The following SLC14A2 variants were observed in gnomAD, a reference collection of about 807,000 sequenced individuals.
SLC14A2 encodes the protein solute carrier family 14 member 2, also known as urea transporter 2.
A neutral mutation model predicts 104.6 loss-of-function variants in SLC14A2; 91 were observed. The observed-to-expected ratio is 0.87, with a 90% confidence interval of 0.73 to 1.04. The LOEUF (loss-of-function observed/expected upper bound fraction) is 1.04. Ranked by LOEUF, SLC14A2 falls within the 50% of genes least tolerant of loss-of-function variation. The pLI is 0.00. For missense variants in SLC14A2, 1,189 were observed against 1,156.0 expected (o/e 1.03, Z -0.41); for synonymous variants, 476 against 466.4 (o/e 1.02, Z -0.27).
upstream of SLC14A2, among the ~76,000 whole-genome samples, chr18:45,209,359 A>C (rs1334535320): frequency 6.6e-6 from 1 of 151,628 alleles, no homozygotes; most frequent in Non-Finnish European, 1.5e-5. Flanking sequence ...AAACAACAAC[A>C]ACAACAACAA....
intron 2 of SLC14A2, among the ~76,000 whole-genome samples, chr18:45,526,593 G>A (rs986600824): frequency 2.7e-5 from 4 of 149,918 alleles, no homozygotes; most frequent in African/African-American, 1.0e-4. Flanking sequence ...CTTCTGATAA[G>A]AAGTGATTTT....
At chr18:45,569,522 A>C (rs2044316535) in intron 2 of SLC14A2, among the ~76,000 whole-genome samples, 1 of 152,234 alleles carries the variant, frequency 6.6e-6, no homozygotes, top group African/African-American at 2.4e-5. Context: ...TTCAGACTTC[A>C]TATCTCATCC....
chr18:45,422,382 A>C (rs1464291981), intron 1 of SLC14A2, among the ~76,000 whole-genome samples: 1 of 152,190 alleles, frequency 6.6e-6, no homozygotes, highest in African/African-American at 2.4e-5. Flanking sequence ...TAAGAAGAAG[A>C]GAGGCAAATT....
At chr18:45,654,899 G>A (rs765963997) in intron 10 of SLC14A2, among the ~76,000 whole-genome samples, 14 of 152,128 alleles carry the variant, frequency 9.2e-5, no homozygotes, top group Non-Finnish European at 1.9e-4. Context: ...CATCAGTTTG[G>A]TTTCCAGGGC....
chr18:45,579,747 C>T (rs2044462293), intron 2 of SLC14A2, among the ~76,000 whole-genome samples: 3 of 152,132 alleles, frequency 2.0e-5, no homozygotes, highest in South Asian at 4.1e-4. Context: ...CTCAAGATGC[C>T]CATAGATGAG....
chr18:45,502,449 C>G (rs1366875173), intron 2 of SLC14A2, among the ~76,000 whole-genome samples: 1 of 152,166 alleles, frequency 6.6e-6, no homozygotes. Flanking sequence ...ACTCAACAGA[C>G]CTGGAAGACC....
At chr18:45,180,353 C>T in the SLC14A2 span, among the ~76,000 whole-genome samples, 1 of 152,022 alleles carries the variant, frequency 6.6e-6, no homozygotes, top group South Asian at 2.1e-4. Flanking sequence ...AGTTATTATT[C>T]TAATGTACTT....
chr18:45,265,895 C>T (rs571584978), intron 1 of SLC14A2, among the ~76,000 whole-genome samples: 1 of 152,164 alleles, frequency 6.6e-6, no homozygotes, highest in Non-Finnish European at 1.5e-5. Flanking sequence ...AGGGAGAGAA[C>T]AGTTACCAAA....
At chr18:45,483,755 T>A (rs559455794) in intron 2 of SLC14A2, among the ~76,000 whole-genome samples, 1 of 152,286 alleles carries the variant, frequency 6.6e-6, no homozygotes, top group South Asian at 2.1e-4. Context: ...TGATTTGGGG[T>A]TGGAATGATT....
At chr18:45,673,382 G>A (rs2046173735) in intron 17 of SLC14A2, among the ~76,000 whole-genome samples, 1 of 152,206 alleles carries the variant, frequency 6.6e-6, no homozygotes, top group Non-Finnish European at 1.5e-5. Context: ...ATCGATGAAG[G>A]AGGAGAGGTT....
intron 1 of SLC14A2, among the ~76,000 whole-genome samples, chr18:45,326,196 C>T (rs1333829217): frequency 6.6e-6 from 1 of 152,176 alleles, no homozygotes; most frequent in Non-Finnish European, 1.5e-5. Flanking sequence ...AGAAGAAAAA[C>T]AGTAAGAGAT....
intron 1 of SLC14A2, among the ~76,000 whole-genome samples, chr18:45,362,739 G>A (rs748648954): frequency 1.3e-5 from 2 of 152,238 alleles, no homozygotes; most frequent in African/African-American, 4.8e-5. Context: ...TCCAGAAGCA[G>A]CTGGTATAGC....
At chr18:45,327,833 G>A (rs1221092671) in intron 1 of SLC14A2, among the ~76,000 whole-genome samples, 1 of 152,176 alleles carries the variant, frequency 6.6e-6, no homozygotes, top group African/African-American at 2.4e-5. Context: ...AATTATAGGG[G>A]TAGGAGTGAG....
chr18:45,334,510 T>C (rs566024715), intron 1 of SLC14A2, among the ~76,000 whole-genome samples: 2 of 152,326 alleles, frequency 1.3e-5, no homozygotes, highest in African/African-American at 4.8e-5. Context: ...AAGAAAGTTC[T>C]TAAGCACTTT....
At chr18:45,506,999 C>T (rs1439155918) in intron 2 of SLC14A2, among the ~76,000 whole-genome samples, 1 of 152,230 alleles carries the variant, frequency 6.6e-6, no homozygotes, top group East Asian at 1.9e-4. Context: ...GAGGAGGTCA[C>T]TTGAGCTCCC....
At chr18:45,308,126 C>T (rs2085042486) in intron 1 of SLC14A2, among the ~76,000 whole-genome samples, 1 of 152,148 alleles carries the variant, frequency 6.6e-6, no homozygotes, top group Admixed American at 6.5e-5. Flanking sequence ...GGATCTGCCC[C>T]CATGACCCAA....
chr18:45,197,160 C>G, the SLC14A2 span, among the ~76,000 whole-genome samples: 1 of 152,214 alleles, frequency 6.6e-6, no homozygotes, highest in African/African-American at 2.4e-5. Context: ...TGCATTCCAA[C>G]TAAGTCTCTT....
At chr18:45,281,443 T>C (rs1285718454) in intron 1 of SLC14A2, among the ~76,000 whole-genome samples, 1 of 152,162 alleles carries the variant, frequency 6.6e-6, no homozygotes, top group Non-Finnish European at 1.5e-5. Context: ...CAACAAAATG[T>C]CGGAGATCAT....
At chr18:45,593,503 T>TA (rs2044680541) in intron 2 of SLC14A2, among the ~76,000 whole-genome samples, 1 of 139,656 alleles carries the variant, frequency 7.2e-6, no homozygotes, top group African/African-American at 2.7e-5. Context: ...TTTTTTTTTT[T>TA]TTTTGAGACG....
Sources: gnomAD v4.1 joint callset for allele counts (sites outside exome capture counted in the v4.1 genomes callset) on GRCh38, gnomAD v4.1.1 for gene constraint, MANE v1.5 for transcripts, NCBI Gene and HGNC (gene_info 2026-07-23, HGNC 2026-07-21) for gene names.